CDH13: variants seen among roughly 807,000 people sequenced by gnomAD.
The protein encoded by CDH13 is cadherin 13.
In CDH13, 24 loss-of-function variants were observed where a neutral mutation model predicts 63.8. The ratio of observed to expected loss-of-function variants is 0.38; its 90% CI spans 0.27 to 0.53. The LOEUF (loss-of-function observed/expected upper bound fraction) is 0.53, where lower values mean the gene tolerates loss of function less well. Among genes scored for constraint, CDH13 ranks in the 20% least tolerant of loss-of-function variants. CDH13 has a pLI of 0.85. For synonymous variants in CDH13, 503 were observed against 355.3 expected (o/e 1.42, Z -4.67); for missense variants, 1,049 against 903.1 (o/e 1.16, Z -2.07).
intron 10 of CDH13, among the ~76,000 whole-genome samples, chr16:83,729,404 A>G (rs1168929294): frequency 6.6e-6 from 1 of 152,208 alleles, no homozygotes; most frequent in Non-Finnish European, 1.5e-5. Context: ...ATTGCCAAAA[A>G]AATTTTATTT....
At chr16:83,227,787 C>T (rs563579738) in intron 5 of CDH13, among the ~76,000 whole-genome samples, 8 of 152,204 alleles carry the variant, frequency 5.3e-5, no homozygotes, top group Non-Finnish European at 8.8e-5. Flanking sequence ...AGTGCAGACT[C>T]GGCAGCTCCA....
chr16:83,652,412 G>C (rs892601557), intron 8 of CDH13, among the ~76,000 whole-genome samples: 1 of 152,176 alleles, frequency 6.6e-6, no homozygotes, highest in African/African-American at 2.4e-5. Context: ...TCTCCAGTTA[G>C]AGACGGCTGT....
chr16:82,851,709 A>T (rs921719115), intron 1 of CDH13, among the ~76,000 whole-genome samples: 2 of 151,848 alleles, frequency 1.3e-5, no homozygotes, highest in African/African-American at 4.8e-5. Flanking sequence ...GTGCATGCAC[A>T]TGTCCTGGAA....
At chr16:82,957,710 G>C (rs1725291748) in intron 2 of CDH13, among the ~76,000 whole-genome samples, 1 of 152,158 alleles carries the variant, frequency 6.6e-6, no homozygotes, top group African/African-American at 2.4e-5. Flanking sequence ...TAAGTTTTCT[G>C]AGCTTTATTT....
At chr16:82,694,420 C>T (rs2030007442) in intron 1 of CDH13, among the ~76,000 whole-genome samples, 1 of 152,178 alleles carries the variant, frequency 6.6e-6, no homozygotes, top group Non-Finnish European at 1.5e-5. Context: ...ATGTGATAGA[C>T]AATATTCATA....
chr16:83,199,202 G>C (rs2038958059), intron 4 of CDH13, among the ~76,000 whole-genome samples: 1 of 152,224 alleles, frequency 6.6e-6, no homozygotes, highest in African/African-American at 2.4e-5. Flanking sequence ...GTGACAGTTA[G>C]CACCCACGGT....
At position 83,367,987 on chromosome 16, in the gene CDH13, T is replaced by C. The variant is rs556483625; in HGVS notation, c.781+22981T>C. On this transcript the variant is annotated intron_variant, in intron 6 of 13. Transcript: ENST00000567109. ...TGTTTTATAGTTTTCAATAGACAAG[T>C]CTTGCATTTATTCTGTTAAATTTAT... Among the ~76,000 whole-genome samples the C allele has an allele frequency of 5.9e-5, 9 of 152,334 alleles. No individual in the cohort carries two copies. In the South Asian group the frequency reaches 1.7e-3, roughly 28 times the overall value.
At chr16:82,680,592 G>T (rs149358420) in intron 1 of CDH13, among the ~76,000 whole-genome samples, 2 of 152,198 alleles carry the variant, frequency 1.3e-5, no homozygotes, top group East Asian at 3.9e-4. Flanking sequence ...ACATAAATGG[G>T]TTACTCTGTC....
At chr16:82,939,600 A>G (rs1274289086) in intron 2 of CDH13, among the ~76,000 whole-genome samples, 1 of 152,114 alleles carries the variant, frequency 6.6e-6, no homozygotes, top group Non-Finnish European at 1.5e-5. Flanking sequence ...TAGATATTCT[A>G]ACTGAAGCAA....
chr16:83,050,379 T>C (rs1353043216), intron 3 of CDH13, among the ~76,000 whole-genome samples: 3 of 152,186 alleles, frequency 2.0e-5, no homozygotes, highest in Admixed American at 2.0e-4. Context: ...AACTGTCTTC[T>C]ACAGCAGCTG....
chr16:82,784,541 C>T (rs528501154), intron 1 of CDH13, among the ~76,000 whole-genome samples: 1 of 152,318 alleles, frequency 6.6e-6, no homozygotes, highest in African/African-American at 2.4e-5. Flanking sequence ...GCTGAGGATA[C>T]AGCTGTCCAC....
chr16:82,783,964 A>G (rs17277145), intron 1 of CDH13, among the ~76,000 whole-genome samples: 2 of 152,020 alleles, frequency 1.3e-5, no homozygotes, highest in African/African-American at 4.8e-5. Flanking sequence ...TAGAAATTCA[A>G]TTTGTTTTTT....
chr16:83,165,542 G>T (rs892632145), intron 4 of CDH13, among the ~76,000 whole-genome samples: 1 of 152,100 alleles, frequency 6.6e-6, no homozygotes, highest in Admixed American at 6.6e-5. Context: ...GAAGGTGGTT[G>T]GTTGTGGAAG....
At chr16:82,995,854 C>G (rs1912150216) in intron 2 of CDH13, among the ~76,000 whole-genome samples, 1 of 152,120 alleles carries the variant, frequency 6.6e-6, no homozygotes, top group Non-Finnish European at 1.5e-5. Flanking sequence ...CTCTCGCGGG[C>G]TGCTGGGGAA....
intron 7 of CDH13, among the ~76,000 whole-genome samples, chr16:83,602,096 AAG>A (rs1567797451): frequency 9.8e-5 from 7 of 71,694 alleles, no homozygotes; most frequent in South Asian, 5.0e-4. Flanking sequence ...AAAAAAAAAA[AAG>A]AACAACAACA....
At chr16:82,819,901 A>G (rs937686532) in intron 1 of CDH13, among the ~76,000 whole-genome samples, 3 of 152,192 alleles carry the variant, frequency 2.0e-5, no homozygotes, top group South Asian at 2.1e-4. Flanking sequence ...GGGAATAGAA[A>G]AAGCAGAGCC....
intron 2 of CDH13, among the ~76,000 whole-genome samples, chr16:82,884,891 C>G (rs532957397): frequency 7.2e-5 from 11 of 152,172 alleles, no homozygotes; most frequent in Admixed American, 2.6e-4. Flanking sequence ...AAAGTTGCGT[C>G]AAATTTTTAT....
chr16:83,233,348 G>A (rs1255014207), intron 5 of CDH13, among the ~76,000 whole-genome samples: 3 of 152,182 alleles, frequency 2.0e-5, no homozygotes, highest in African/African-American at 7.2e-5. Flanking sequence ...TGCAGGCTTG[G>A]CTAGTCCTTC....
intron 6 of CDH13, among the ~76,000 whole-genome samples, chr16:83,450,981 C>T (rs1056292679): frequency 5.3e-5 from 8 of 152,172 alleles, no homozygotes; most frequent in African/African-American, 1.7e-4. Context: ...ATGGCTGAGC[C>T]GCACCCCCAG....
Sources: gnomAD v4.1 joint callset for allele counts (sites outside exome capture counted in the v4.1 genomes callset) on GRCh38, gnomAD v4.1.1 for gene constraint, MANE v1.5 for transcripts, NCBI Gene and HGNC (gene_info 2026-07-23, HGNC 2026-07-21) for gene names.